The following RBM39 variants were observed in gnomAD, a reference collection of about 807,000 sequenced individuals.
RBM39 encodes RNA binding motif protein 39.
Under a neutral mutation model 79.6 loss-of-function variants are expected in RBM39, and 12 were observed. That is an observed-to-expected ratio of 0.15 (90% CI 0.10 to 0.24). RBM39 has a LOEUF of 0.24. Ranked by LOEUF, RBM39 falls within the 10% of genes least tolerant of loss-of-function variation. The pLI is 1.00. For missense variants in RBM39, 243 were observed against 653.4 expected (o/e 0.37, Z 6.85); for synonymous variants, 185 against 208.4 (o/e 0.89, Z 0.97).
chr20:35,721,948 TAAC>T, intron 8 of RBM39, 71 bp from the exon 9 acceptor site: 3 of 1,506,206 alleles, frequency 2.0e-6, no homozygotes, highest in South Asian at 1.1e-5. Flanking sequence ...TCCATTTGCA[TAAC>T]AACTAATGTT....
chr20:35,720,997 T>G (rs990289875), intron 9 of RBM39, among the ~76,000 whole-genome samples: 8 of 152,150 alleles, frequency 5.3e-5, no homozygotes, highest in African/African-American at 1.9e-4. Flanking sequence ...AGTGCAGTGG[T>G]GCCATCCCAG....
chr20:35,720,373 C>T, intron 9 of RBM39, among the ~76,000 whole-genome samples: 1 of 152,202 alleles, frequency 6.6e-6, no homozygotes, highest in East Asian at 1.9e-4. Flanking sequence ...TGGTTCCTCA[C>T]TTTGCCATGT....
At chr20:35,715,837 C>T (rs1379619219) in intron 10 of RBM39, among the ~76,000 whole-genome samples, 1 of 152,012 alleles carries the variant, frequency 6.6e-6, no homozygotes, top group Non-Finnish European at 1.5e-5. Flanking sequence ...TGCTAATAGG[C>T]GAGGGTCCTT....
chr20:35,713,668 A>C (rs904627530), intron 11 of RBM39: 27 of 23,080 alleles, frequency 1.2e-3, no homozygotes, highest in African/African-American at 5.6e-3. Flanking sequence ...AACCAACACA[A>C]AAAAAAAAAA....
chr20:35,717,148 C>A (rs946779739), intron 9 of RBM39, among the ~76,000 whole-genome samples: 1 of 151,904 alleles, frequency 6.6e-6, no homozygotes, highest in Non-Finnish European at 1.5e-5. Flanking sequence ...GGCTTGGTGG[C>A]GCATGCCTGT....
chr20:35,729,776 T>C (rs2039161268), intron 4 of RBM39, among the ~76,000 whole-genome samples: 1 of 151,360 alleles, frequency 6.6e-6, no homozygotes, highest in Non-Finnish European at 1.5e-5. Flanking sequence ...ATTCTGAAAA[T>C]GCACACACCC....
chr20:35,725,000 T>G, intron 7 of RBM39, 38 bp downstream of exon 7: 2 of 1,379,740 alleles, frequency 1.4e-6, no homozygotes, highest in Non-Finnish European at 2.0e-6. Context: ...CTCTTGCAAT[T>G]TCTACCTACT....
At chr20:35,708,768 T>C (rs2036059071) in intron 13 of RBM39, 1 of 156,658 alleles carries the variant, frequency 6.4e-6, no homozygotes, top group South Asian at 1.8e-4. Flanking sequence ...TGCTTGGTAC[T>C]GGCTTAAATA....
intron 1 of RBM39, among the ~76,000 whole-genome samples, chr20:35,741,159 G>T (rs1302603449): frequency 7.0e-6 from 1 of 143,232 alleles, no homozygotes; most frequent in Non-Finnish European, 1.5e-5. Context: ...CTCACCTCCC[G>T]AATAGCTGGG....
intron 6 of RBM39, among the ~76,000 whole-genome samples, chr20:35,725,831 T>C (rs932960570): frequency 8.6e-5 from 13 of 151,502 alleles, no homozygotes; most frequent in Non-Finnish European, 4.4e-5. Flanking sequence ...ACCCAGCTAA[T>C]TTTTGTATTT....
At chr20:35,739,149 G>A (rs2040276369) in intron 2 of RBM39, 132 bp from the exon 3 acceptor site, 7 of 810,148 alleles carry the variant, frequency 8.6e-6, no homozygotes, top group Non-Finnish European at 1.2e-5. Flanking sequence ...AGTTTAACAT[G>A]GAAGGCTATA....
At chr20:35,726,264 T>G (rs2038676815) in intron 6 of RBM39, among the ~76,000 whole-genome samples, 1 of 152,144 alleles carries the variant, frequency 6.6e-6, no homozygotes, top group African/African-American at 2.4e-5. Flanking sequence ...CCCGAGTAGC[T>G]GGGACTACAG....
At chr20:35,727,904 C>A (rs1467350245) in intron 6 of RBM39, among the ~76,000 whole-genome samples, 1 of 152,072 alleles carries the variant, frequency 6.6e-6, no homozygotes, top group East Asian at 1.9e-4. Flanking sequence ...CTGCCTCGGC[C>A]TTCCAGAGTG....
At chr20:35,705,467 TGCC>T (rs2035605365) in intron 14 of RBM39, 137 bp from the exon 15 acceptor site, 2 of 583,212 alleles carry the variant, frequency 3.4e-6, no homozygotes, top group Non-Finnish European at 5.8e-6. Context: ...AGAACGTCTC[TGCC>T]CCAAAGAACA....
intron 9 of RBM39, among the ~76,000 whole-genome samples, chr20:35,721,272 A>G (rs1488251658): frequency 6.6e-6 from 1 of 152,210 alleles, no homozygotes; most frequent in Non-Finnish European, 1.5e-5. Context: ...CTTTCTTTTA[A>G]AAACAATCTT....
chr20:35,720,082 T>C, intron 9 of RBM39: 2 of 161,686 alleles, frequency 1.2e-5, no homozygotes, highest in South Asian at 1.3e-4. Flanking sequence ...CCACTGCACC[T>C]GGCCAGTGAA....
intron 12 of RBM39, among the ~76,000 whole-genome samples, chr20:35,711,150 G>A (rs935833620): frequency 6.6e-6 from 1 of 152,050 alleles, no homozygotes; most frequent in Non-Finnish European, 1.5e-5. Context: ...GTCTATAAAT[G>A]ACCCCTTTGT....
Position 35,724,606 on chromosome 20 carries a change from T to C in RBM39, c.651A>G (p.Arg217=). 6.2e-7 allele frequency: 1 copy of C among 1,614,112 alleles called. No homozygotes were observed. The highest frequency in any genetic ancestry group is 8.5e-7 in the Non-Finnish European group (1 of 1,180,032). ...GTACTATGATTGGCACGCCTAAAACTCGTTGGCCAGTTAATCCTATTGCTA... is the reference window on the plus strand; with the variant it reads ...GTACTATGATTGGCACGCCTAAAACCCGTTGGCCAGTTAATCCTATTGCTA... ...VPLAIGLTGQ[R]VLGVPIIVQA... is the part of the protein sequence containing the mutation. The change falls in exon 8 of 17, where the codon CGA becomes CGG. Residue 217 remains arginine (R), a synonymous_variant. Transcript: ENST00000253363.
intron 1 of RBM39, 143 bp from the exon 2 acceptor site, chr20:35,741,030 C>CTTTTTCTTTTTTTTTTTT (rs1217050292): frequency 1.7e-5 from 2 of 118,628 alleles, no homozygotes; most frequent in African/African-American, 1.0e-4. Flanking sequence ...AAACATTTTT[C>CTTTTTCTTTTTTTTTTTT]TTTTTTTTTT....
Sources: allele counts gnomAD v4.1 joint callset (sites outside exome capture counted in the v4.1 genomes callset), GRCh38; gene constraint gnomAD v4.1.1; transcripts MANE v1.5; gene names NCBI Gene and HGNC (gene_info 2026-07-23, HGNC 2026-07-21).